The following TNIP3 variants were observed in gnomAD, a reference collection of about 807,000 sequenced individuals.
TNIP3 encodes the protein TNFAIP3 interacting protein 3, also known as TNFAIP3-interacting protein 3.
In TNIP3, 34 loss-of-function variants were observed where a neutral mutation model predicts 54.1. That is an observed-to-expected ratio of 0.63 (90% CI 0.48 to 0.84). TNIP3 has a LOEUF of 0.84. TNIP3 is among the 40% of genes least tolerant of loss of function. The pLI is 0.00. For synonymous variants in TNIP3, 134 were observed against 136.8 expected (o/e 0.98, Z 0.14); for missense variants, 366 against 387.6 (o/e 0.94, Z 0.47).
intron 3 of TNIP3, among the ~76,000 whole-genome samples, chr4:121,171,333 T>C (rs573931395): frequency 2.0e-5 from 3 of 152,308 alleles, no homozygotes; most frequent in South Asian, 4.1e-4. Flanking sequence ...CCTCAAAAAG[T>C]TACATGAGTT....
At chr4:121,160,627 C>A (rs1452044208) in intron 2 of TNIP3, among the ~76,000 whole-genome samples, 1 of 152,116 alleles carries the variant, frequency 6.6e-6, no homozygotes, top group Admixed American at 6.5e-5. Context: ...CCCATTAATT[C>A]CCAGGAACAT....
At chr4:121,190,775 T>C (rs549070413) in intron 2 of TNIP3, among the ~76,000 whole-genome samples, 23 of 152,186 alleles carry the variant, frequency 1.5e-4, no homozygotes, top group African/African-American at 4.8e-4. Context: ...AGCTCAATAC[T>C]CCCCGAACAA....
chr4:121,210,185 C>A (rs1410600925), intron 2 of TNIP3, among the ~76,000 whole-genome samples: 1 of 151,902 alleles, frequency 6.6e-6, no homozygotes, highest in Non-Finnish European at 1.5e-5. Flanking sequence ...GCCCTGAGCC[C>A]ATGGATGAAA....
chr4:121,134,793 T>C (rs1728681526), intron 10 of TNIP3, among the ~76,000 whole-genome samples: 1 of 152,138 alleles, frequency 6.6e-6, no homozygotes, highest in Admixed American at 6.5e-5. Flanking sequence ...TATAGAGGAC[T>C]CTGCTCTAGC....
At chr4:121,159,397 G>C (rs1179261235) in intron 2 of TNIP3, among the ~76,000 whole-genome samples, 2 of 152,154 alleles carry the variant, frequency 1.3e-5, no homozygotes, top group Non-Finnish European at 2.9e-5. Flanking sequence ...ACCACAATCT[G>C]ATAAAAATTT....
chr4:121,227,424 C>T lies in TNIP3; in HGVS notation c.-37G>A, dbSNP rs577615526. ...AAAGTCCTTCTCAGATCTAGGTAAGCGTATTACAAGGTCTAATACGGAGAC... is the reference window on the plus strand; with the variant it reads ...AAAGTCCTTCTCAGATCTAGGTAAGTGTATTACAAGGTCTAATACGGAGAC... On this transcript the variant is annotated 5_prime_UTR_variant, in exon 1 of 13. Transcript: ENST00000509841. 9.3e-5 allele frequency: 143 copies of T among 1,531,298 alleles called. 2 individuals are homozygous for T. In the South Asian group the frequency reaches 1.2e-3, roughly 13 times the overall value. The allele number at this position is 1,531,298 out of a possible 1,614,324, so 94.9% of individuals were successfully genotyped here.
At chr4:121,154,737 T>C (rs1432087321) in intron 4 of TNIP3, 58 bp from the exon 5 acceptor site, 3 of 1,493,330 alleles carry the variant, frequency 2.0e-6, no homozygotes, top group African/African-American at 2.8e-5. Context: ...TGAGATGATA[T>C]TGTAGGAATT....
chr4:121,184,471 C>CA (rs1491325486), intron 2 of TNIP3, among the ~76,000 whole-genome samples: 1 of 152,142 alleles, frequency 6.6e-6, no homozygotes, highest in East Asian at 1.9e-4. Context: ...TGGGATTCTC[C>CA]TCTGTGTCTG....
intron 2 of TNIP3, among the ~76,000 whole-genome samples, chr4:121,196,838 A>G (rs1189982517): frequency 6.6e-6 from 1 of 152,120 alleles, no homozygotes; most frequent in Non-Finnish European, 1.5e-5. Flanking sequence ...CTTTCGATTT[A>G]TATACGTATT....
intron 7 of TNIP3, among the ~76,000 whole-genome samples, chr4:121,144,853 A>G (rs1427179947): frequency 6.6e-6 from 1 of 152,194 alleles, no homozygotes; most frequent in African/African-American, 2.4e-5. Context: ...CATTTTAGAG[A>G]TCATCTAGTT....
intron 2 of TNIP3, among the ~76,000 whole-genome samples, chr4:121,209,156 G>A (rs1186833648): frequency 6.6e-6 from 1 of 152,250 alleles, no homozygotes; most frequent in African/African-American, 2.4e-5. Context: ...AGGACGCTGT[G>A]TGACAGCATC....
At chr4:121,163,180 C>T (rs925630927) in intron 1 of TNIP3, among the ~76,000 whole-genome samples, 1 of 152,034 alleles carries the variant, frequency 6.6e-6, no homozygotes, top group Non-Finnish European at 1.5e-5. Context: ...AAATAGAAAA[C>T]ATAGTGACTA....
exon 3 of TNIP3, chr4:121,182,697 G>T: frequency 6.5e-7 from 1 of 1,534,118 alleles, no homozygotes; most frequent in Non-Finnish European, 8.7e-7. Context: ...ATAGATTTCT[G>T]TGAGTTGGCA....
intron 3 of TNIP3, among the ~76,000 whole-genome samples, chr4:121,176,400 C>T (rs1159281903): frequency 6.6e-6 from 1 of 151,704 alleles, no homozygotes; most frequent in South Asian, 2.1e-4. Flanking sequence ...TAGATCAAAA[C>T]ATTCCACAGC....
upstream of TNIP3, among the ~76,000 whole-genome samples, chr4:121,219,198 TACAA>T (rs113880656): frequency 1.8e-3 from 272 of 151,776 alleles, 2 homozygotes; most frequent in East Asian, 6.8e-3. Context: ...GAAACTCCAT[TACAA>T]ACAAACAAAC....
At chr4:121,157,337 C>A in intron 3 of TNIP3, 94 bp from the exon 4 acceptor site, 1 of 1,531,498 alleles carries the variant, frequency 6.5e-7, no homozygotes. Context: ...GGCAGAAACG[C>A]CCCACCCCAG....
intron 10 of TNIP3, among the ~76,000 whole-genome samples, chr4:121,135,756 G>T (rs756430908): frequency 6.6e-6 from 1 of 152,250 alleles, no homozygotes; most frequent in South Asian, 2.1e-4. Flanking sequence ...AGAATTCTGA[G>T]CAATTCAGTT....
intron 2 of TNIP3, among the ~76,000 whole-genome samples, chr4:121,208,022 C>A (rs1247413377): frequency 6.6e-6 from 1 of 152,064 alleles, no homozygotes; most frequent in Non-Finnish European, 1.5e-5. Flanking sequence ...GCTTTTGCAT[C>A]TTCCTCATTT....
At chr4:121,134,953 A>C (rs1728691180) in intron 10 of TNIP3, among the ~76,000 whole-genome samples, 1 of 152,202 alleles carries the variant, frequency 6.6e-6, no homozygotes, top group Admixed American at 6.5e-5. Flanking sequence ...CCCAGCCTGA[A>C]GGCTGTCGAA....
Sources: allele counts gnomAD v4.1 joint callset (sites outside exome capture counted in the v4.1 genomes callset), GRCh38; gene constraint gnomAD v4.1.1; transcripts MANE v1.5; gene names NCBI Gene and HGNC (gene_info 2026-07-23, HGNC 2026-07-21).